The following ZSCAN31 variants were observed in gnomAD, a reference collection of about 807,000 sequenced individuals.
ZSCAN31 encodes the protein zinc finger and SCAN domain containing 31.
Under a neutral mutation model 22.5 loss-of-function variants are expected in ZSCAN31, and 14 were observed. The observed-to-expected ratio is 0.62, with a 90% CI of 0.41 to 0.97. The LOEUF is 0.97. Among genes scored for constraint, ZSCAN31 ranks in the 50% least tolerant of loss-of-function variants. The probability of loss-of-function intolerance (pLI) is 0.00; values close to 1 mark genes in which losing one functional copy is unlikely to be tolerated. For missense variants in ZSCAN31, 424 were observed against 483.4 expected, an observed-to-expected ratio of 0.88 and a Z score of 1.15; for synonymous variants, 168 against 169.8, an observed-to-expected ratio of 0.99 and a Z score of 0.08.
intron 2 of ZSCAN31, among the ~76,000 whole-genome samples, chr6:28,346,063 C>T (rs968460733): frequency 1.3e-5 from 2 of 152,038 alleles, no homozygotes; most frequent in East Asian, 3.9e-4. Flanking sequence ...TTCTAGGCTC[C>T]GTGAGTTCAA....
At chr6:28,343,316 T>A (rs546555608) in intron 2 of ZSCAN31, among the ~76,000 whole-genome samples, 31 of 151,972 alleles carry the variant, frequency 2.0e-4, no homozygotes, top group South Asian at 1.5e-3. Flanking sequence ...CAGAAAAAAA[T>A]TTTTTGCATC....
Position 28,326,358 on chromosome 6 carries a change from CCT to C in ZSCAN31, c.1027_1028del (p.Arg343AspfsTer12), listed in dbSNP as rs762883083. ...LLSSCLVQHQ[R>X]IHTGEKRYQC... ...GATAGCGCTTCTCTCCAGTGTGTAT[CCT>C]CTGATGCTGAACAAGGCATGAGCTG... On this transcript the variant is annotated frameshift_variant, in exon 4 of 4. Coordinates refer to ENST00000344279, the MANE Select transcript of ZSCAN31 (RefSeq NM_030899.5). LOFTEE classifies it low-confidence loss of function (END_TRUNC). 1.2e-6 allele frequency: 2 copies of C among 1,614,168 alleles called. No individual in the cohort carries two copies. Among genetic ancestry groups the C allele is most frequent in the South Asian group, 2.2e-5 (2 of 91,086 alleles).
chr6:28,326,126 G>C lies in ZSCAN31; in HGVS notation c.*40C>G. On this transcript the variant is annotated 3_prime_UTR_variant, in exon 4 of 4. Coordinates refer to ENST00000344279, the MANE Select transcript of ZSCAN31 (RefSeq NM_030899.5). ...TATGGATTCTAAAATGCCTAATAAGGTTGCAATGATGACTGAAGGCTTTCC... is the reference window on the plus strand; with the variant it reads ...TATGGATTCTAAAATGCCTAATAAGCTTGCAATGATGACTGAAGGCTTTCC... 9.1e-6 allele frequency: 14 copies of C among 1,535,056 alleles called. No individual in the cohort carries two copies. The highest frequency in any genetic ancestry group is 1.2e-5 in the Non-Finnish European group (14 of 1,132,210).
intron 2 of ZSCAN31, among the ~76,000 whole-genome samples, chr6:28,343,535 T>C (rs1044699666): frequency 2.1e-5 from 3 of 143,594 alleles, no homozygotes; most frequent in African/African-American, 5.4e-5. Context: ...TCTTTTTTTT[T>C]TTCTTTCTTT....
In ZSCAN31 at chr6:28,342,700, C is replaced by G. The variant is rs147092089; in HGVS notation, c.-370-908G>C. ...GGCCCTGGGAGATGTTGCTTATATA[C>G]AGATGGCTATTGTTTGATCCACAGT... On this transcript the variant is annotated intron_variant, in intron 2 of 7. Transcript: ENST00000396838. Among the ~76,000 whole-genome samples, 198 of 152,328 alleles carry G rather than the reference C, an allele frequency of 1.3e-3. 6 individuals are homozygous for G. In the South Asian group the frequency reaches 0.035, roughly 27 times the overall value.
At chr6:28,332,205 A>T (rs908576604) in intron 1 of ZSCAN31, 1 of 152,076 alleles carries the variant, frequency 6.6e-6, no homozygotes, top group Non-Finnish European at 1.5e-5. Context: ...ATCTCTTCCT[A>T]TCTCCTCTCC....
chr6:28,326,504 A>G lies in ZSCAN31; in HGVS notation c.883T>C (p.Tyr295His), dbSNP rs1763278660. The part of the protein sequence containing the change: ...HRRSHTGEKP[Y>H]QCKECGKAFS... ...GCTTTCCCACACTCCTTACATTGAT[A>G]GGGTTTCTCTCCAGTGTGGCTCCGC... Residue 295 changes from tyrosine to histidine, a missense_variant, in exon 4 of 4, where the codon TAT becomes CAT. Physicochemically the swap from Tyr to His is moderately conservative, Grantham distance 83. Coordinates refer to ENST00000344279, the MANE Select transcript of ZSCAN31 (RefSeq NM_030899.5). The G allele has an allele frequency of 6.2e-7, 1 of 1,614,054 alleles. No homozygotes were observed. The highest frequency in any genetic ancestry group is 8.5e-7 in the Non-Finnish European group (1 of 1,180,030).
intron 2 of ZSCAN31, among the ~76,000 whole-genome samples, chr6:28,350,786 A>G (rs1764952721): frequency 6.6e-6 from 1 of 152,140 alleles, no homozygotes; most frequent in East Asian, 1.9e-4. Context: ...AAAATAAGAT[A>G]CTCTGAAAAA....
Position 28,351,770 on chromosome 6 carries a change from T to C in ZSCAN31, c.-371+2092A>G, listed in dbSNP as rs1261673209. Among the ~76,000 whole-genome samples the C allele has an allele frequency of 1.3e-5, 2 of 151,960 alleles. No individual in the cohort carries two copies. Among genetic ancestry groups the C allele is most frequent in the Non-Finnish European group, 2.9e-5 (2 of 68,016 alleles). On this transcript the variant is annotated intron_variant, in intron 2 of 7. Coordinates refer to the ZSCAN31 transcript ENST00000396838. This position sits in a 1 kb window ranked among gnomAD's most constrained non-coding sequence, Gnocchi z 4.6. ...TCTTTATCTCTTTTTTTTCCTCATT[T>C]CGTCCCTCTCTTCTCTTTCATTTTA...
intron 2 of ZSCAN31, among the ~76,000 whole-genome samples, chr6:28,329,057 C>T (rs55692948): frequency 0.013 from 1,965 of 152,274 alleles, 16 homozygotes; most frequent in Middle Eastern, 0.027. Context: ...ACTAAGACCT[C>T]CTGCCAACAG....
intron 1 of ZSCAN31, among the ~76,000 whole-genome samples, chr6:28,330,277 C>T (rs1233309401): frequency 6.6e-6 from 1 of 152,128 alleles, no homozygotes; most frequent in African/African-American, 2.4e-5. Flanking sequence ...GTCTGCAGAG[C>T]TGTTGAATGC....
chr6:28,341,615 G>A (rs924370361), intron 3 of ZSCAN31: 1 of 152,200 alleles, frequency 6.6e-6, no homozygotes, highest in Non-Finnish European at 1.5e-5. Context: ...TCCCCCAAGT[G>A]GGCACAGCTC....
rs138879137 is a variant in ZSCAN31, at chr6:28,333,993, G to A, written c.-96+2089C>T. Among the ~76,000 whole-genome samples, 15 of 152,288 alleles carry A rather than the reference G, an allele frequency of 9.8e-5. No individual in the cohort carries two copies. In the East Asian group the frequency reaches 2.9e-3, roughly 29 times the overall value. ...GGCAAGAGTTAAAAAAAAGGGTAAAGTGGAGGGGGTGAAGACTATTGCACT... is the reference window on the plus strand; with the variant it reads ...GGCAAGAGTTAAAAAAAAGGGTAAAATGGAGGGGGTGAAGACTATTGCACT... On this transcript the variant is annotated intron_variant, in intron 1 of 3. Transcript: ENST00000344279. The surrounding 1 kb of genome is among the most constrained non-coding windows in gnomAD (Gnocchi z 4.1).
chr6:28,346,342 CTTTTTTTTTTTTT>C (rs5875155), intron 2 of ZSCAN31, among the ~76,000 whole-genome samples: 3 of 87,780 alleles, frequency 3.4e-5, no homozygotes, highest in Admixed American at 2.8e-4. Flanking sequence ...TCAGTACAAT[CTTTTTTTTTTTTT>C]TTTTTTTTTT....
intron 2 of ZSCAN31, among the ~76,000 whole-genome samples, chr6:28,345,136 CTG>C (rs1764589673): frequency 8.0e-6 from 1 of 125,062 alleles, no homozygotes; most frequent in South Asian, 2.4e-4. Context: ...CGCAGTGAAA[CTG>C]TGTCTCAAAA....
intron 2 of ZSCAN31, among the ~76,000 whole-genome samples, chr6:28,342,630 G>A (rs1462663744): frequency 6.6e-6 from 1 of 152,216 alleles, no homozygotes; most frequent in Non-Finnish European, 1.5e-5. Context: ...AAGAAAGAGT[G>A]TATCAAGATA....
chr6:28,346,342 CTTTTTTTTTTT>C (rs5875155), intron 2 of ZSCAN31, among the ~76,000 whole-genome samples: 2 of 87,780 alleles, frequency 2.3e-5, no homozygotes, highest in Non-Finnish European at 4.2e-5. Flanking sequence ...TCAGTACAAT[CTTTTTTTTTTT>C]TTTTTTTTTT....
upstream of ZSCAN31, among the ~76,000 whole-genome samples, chr6:28,354,454 G>T (rs963638166): frequency 1.9e-4 from 29 of 152,090 alleles, no homozygotes; most frequent in Non-Finnish European, 4.4e-5. Flanking sequence ...CAATATATAG[G>T]TTTGGCACAC....
Position 28,329,526 on chromosome 6 carries a change from G to A in ZSCAN31, c.158C>T (p.Pro53Leu), listed in dbSNP as rs1385939534. The A allele has an allele frequency of 6.2e-7, 1 of 1,614,080 alleles. No homozygotes were observed. Among genetic ancestry groups the A allele is most frequent in the African/African-American group, 1.3e-5 (1 of 74,928 alleles). Residue 53 changes from proline to leucine, a missense_variant, in exon 2 of 4, where the codon CCC becomes CTC. Pro to Leu is a moderately conservative substitution (Grantham distance 98). Coordinates refer to ENST00000344279, the MANE Select transcript of ZSCAN31 (RefSeq NM_030899.5). ...TCGGAGCCGGCTCAGAGCTTCTCGGGGACCAGGAGTCTCTTGGTAACAAAA... is the reference window on the plus strand; with the variant it reads ...TCGGAGCCGGCTCAGAGCTTCTCGGAGACCAGGAGTCTCTTGGTAACAAAA... Reference protein sequence around the residue: ...RQFCYQETPGPREALSRLREL... With the variant: ...RQFCYQETPGLREALSRLREL...
Sources: allele counts gnomAD v4.1 joint callset (sites outside exome capture counted in the v4.1 genomes callset), GRCh38; gene constraint gnomAD v4.1.1; non-coding constraint Gnocchi (gnomAD v3.1); transcripts MANE v1.5; gene names NCBI Gene and HGNC (gene_info 2026-07-23, HGNC 2026-07-21).